S100Z: variants seen among roughly 807,000 people sequenced by gnomAD.
S100Z encodes protein S100-Z.
S100Z carries 11 observed loss-of-function variants against 8.5 expected under a neutral mutation model. The observed-to-expected ratio is 1.30, with a 90% CI of 0.82 to 2.15. The LOEUF is 2.15. Among genes scored for constraint, S100Z ranks in the 30% most tolerant of loss-of-function variants. S100Z has a pLI of 0.00. For synonymous variants in S100Z, 34 were observed against 43.8 expected (o/e 0.78, Z 0.89); for missense variants, 126 against 117.9 (o/e 1.07, Z -0.32).
At chr5:76,918,684 T>C (rs769046300) in intron 4 of S100Z, among the ~76,000 whole-genome samples, 7 of 152,246 alleles carry the variant, frequency 4.6e-5, no homozygotes, top group South Asian at 4.1e-4. Context: ...AGAACCTACG[T>C]TGACACATCA....
chr5:76,905,275 A>T (rs1017649758), intron 4 of S100Z, among the ~76,000 whole-genome samples: 1 of 152,170 alleles, frequency 6.6e-6, no homozygotes, highest in African/African-American at 2.4e-5. Context: ...GGTTCAAGCA[A>T]TCTTACCATC....
chr5:76,875,397 T>A lies in S100Z; in HGVS notation c.38T>A (p.Ile13Asn). The A allele has an allele frequency of 6.2e-7, 1 of 1,613,320 alleles. No individual in the cohort carries two copies. Among genetic ancestry groups the A allele is most frequent in the Non-Finnish European group, 8.5e-7 (1 of 1,179,638 alleles). The stretch of plus-strand genomic sequence containing the variant: ...CTCGAGATGGCCATGGACACCATGA[T>A]TAGAATCTTCCACCGCTATTCTGGC... ...TQLEMAMDTM[I>N]RIFHRYSGKE... is the part of the protein sequence containing the mutation. Residue 13 changes from isoleucine to asparagine, a missense_variant, in exon 3 of 5, where the codon ATT becomes AAT. Coordinates refer to ENST00000317593, the MANE Select transcript of S100Z (RefSeq NM_130772.4).
At chr5:76,865,864 A>G (rs1751256320) in intron 1 of S100Z, among the ~76,000 whole-genome samples, 1 of 150,310 alleles carries the variant, frequency 6.7e-6, no homozygotes, top group Non-Finnish European at 1.5e-5. Flanking sequence ...AATAAAAAAA[A>G]ATTAGCCAGG....
chr5:76,911,433 A>T (rs187588936), intron 4 of S100Z, among the ~76,000 whole-genome samples: 43 of 152,268 alleles, frequency 2.8e-4, no homozygotes, highest in African/African-American at 9.6e-4. Flanking sequence ...GACCTCAAGG[A>T]TGCCTTCTTC....
At chr5:76,945,624 T>C in the S100Z span, among the ~76,000 whole-genome samples, 8 of 152,256 alleles carry the variant, frequency 5.3e-5, no homozygotes, top group African/African-American at 1.7e-4. Context: ...ACCTGGCCTA[T>C]GTGCACATCC....
chr5:76,882,855 G>A (rs982404154), intron 4 of S100Z, among the ~76,000 whole-genome samples: 3 of 152,152 alleles, frequency 2.0e-5, no homozygotes, highest in East Asian at 1.9e-4. Context: ...AGTAAAGAAA[G>A]CATGTTTGAG....
intron 1 of S100Z, among the ~76,000 whole-genome samples, chr5:76,866,684 G>A (rs1721945369): frequency 6.6e-6 from 1 of 152,172 alleles, no homozygotes; most frequent in African/African-American, 2.4e-5. Context: ...ATGCTGTACA[G>A]GTTTATAGCC....
At chr5:76,939,344 G>C in the S100Z span, among the ~76,000 whole-genome samples, 1 of 151,022 alleles carries the variant, frequency 6.6e-6, no homozygotes. Context: ...AGTAGAGATG[G>C]GGTTTCACTG....
rs116602233 is a variant in S100Z at position 76,862,818 on chromosome 5, A to G, written c.-175-7348A>G. ...CTTGTGACCCCATCGCGAAACAACA[A>G]CAACAAAAACCCTGAGGAGCATTGC... On this transcript the variant is annotated intron_variant, in intron 1 of 4. Transcript: ENST00000317593. Among the ~76,000 whole-genome samples the G allele has an allele frequency of 7.8e-3, 1,188 of 151,988 alleles. 22 individuals are homozygous for G. The highest frequency in any genetic ancestry group is 0.028 in the African/African-American group (1,152 of 41,450).
chr5:76,875,484 T>TG lies in S100Z; in HGVS notation c.125_126insG (p.Thr43HisfsTer14). On this transcript the variant is annotated frameshift_variant, in exon 3 of 5. Coordinates refer to ENST00000317593, the MANE Select transcript of S100Z (RefSeq NM_130772.4). LOFTEE classifies it high-confidence loss of function. ...CTGAAACTGCTCCTGCAGCGAGAGC[T>TG]CACGGAATTCCTCTCGGTGAGTCAG... The TG allele has an allele frequency of 6.2e-7, 1 of 1,609,046 alleles. No individual in the cohort carries two copies. Among genetic ancestry groups the TG allele is most frequent in the Non-Finnish European group, 8.5e-7 (1 of 1,178,052 alleles).
chr5:76,924,632 G>A (rs564375408), downstream of S100Z, among the ~76,000 whole-genome samples: 5 of 152,268 alleles, frequency 3.3e-5, no homozygotes, highest in East Asian at 1.9e-4. Context: ...TTTATGGGCC[G>A]GGTGTGGTGG....
chr5:76,912,838 CAG>C (rs1744715243), intron 4 of S100Z, among the ~76,000 whole-genome samples: 1 of 150,784 alleles, frequency 6.6e-6, no homozygotes, highest in Non-Finnish European at 1.5e-5. Flanking sequence ...GAGAAAGAGA[CAG>C]AAAGAGAGAG....
At chr5:76,863,803 A>G (rs140032026) in intron 1 of S100Z, among the ~76,000 whole-genome samples, 13,960 of 152,148 alleles carry the variant, frequency 0.092, 1,308 homozygotes, top group African/African-American at 0.24. Context: ...CTCCCAAAGT[A>G]CTGGGATTAC....
At chr5:76,901,187 T>C (rs747990575) in intron 4 of S100Z, among the ~76,000 whole-genome samples, 1 of 151,572 alleles carries the variant, frequency 6.6e-6, no homozygotes, top group Non-Finnish European at 1.5e-5. Flanking sequence ...GAAGCCAGCA[T>C]AGCACTGGAT....
downstream of S100Z, among the ~76,000 whole-genome samples, chr5:76,923,472 A>G (rs1378468246): frequency 2.6e-5 from 4 of 152,196 alleles, no homozygotes; most frequent in Non-Finnish European, 5.9e-5. Flanking sequence ...TCTAATGCCT[A>G]GTTGCCCACT....
At chr5:76,881,713 A>T (rs1438885106) in intron 4 of S100Z, among the ~76,000 whole-genome samples, 3 of 152,096 alleles carry the variant, frequency 2.0e-5, no homozygotes, top group Admixed American at 1.3e-4. Context: ...GTGGGAAGAG[A>T]TTGATAGGTG....
At chr5:76,854,409 T>C (rs1448042398) in intron 1 of S100Z, among the ~76,000 whole-genome samples, 3 of 152,148 alleles carry the variant, frequency 2.0e-5, no homozygotes, top group African/African-American at 7.2e-5. Context: ...GAGGAACTTA[T>C]TGGGAACTGG....
the S100Z span, among the ~76,000 whole-genome samples, chr5:76,928,899 C>T: frequency 6.6e-6 from 1 of 152,234 alleles, no homozygotes; most frequent in African/African-American, 2.4e-5. Flanking sequence ...GCCACCATGC[C>T]CAGCTAATTT....
At chr5:76,892,913 C>G (rs1022755805) in intron 4 of S100Z, among the ~76,000 whole-genome samples, 13 of 152,110 alleles carry the variant, frequency 8.5e-5, no homozygotes, top group Non-Finnish European at 1.5e-4. Context: ...TGTCCCTTAC[C>G]TATGAAGAGA....
Sources: gnomAD v4.1 joint callset for allele counts (sites outside exome capture counted in the v4.1 genomes callset) on GRCh38, gnomAD v4.1.1 for gene constraint, MANE v1.5 for transcripts, NCBI Gene and HGNC (gene_info 2026-07-23, HGNC 2026-07-21) for gene names.